Variants in FBLN5 observed in about 807,000 individuals in gnomAD.
FBLN5 encodes the protein fibulin-5.
A neutral mutation model predicts 61.6 loss-of-function variants in FBLN5; 24 were observed. The observed-to-expected ratio is 0.39, with a 90% CI of 0.28 to 0.55. The LOEUF is 0.55. Among genes scored for constraint, FBLN5 ranks in the 20% least tolerant of loss-of-function variants. FBLN5 has a pLI of 0.65. For synonymous variants in FBLN5, 213 were observed against 219.8 expected (o/e 0.97, Z 0.27); for missense variants, 470 against 594.1 (o/e 0.79, Z 2.17).
intron 4 of FBLN5, among the ~76,000 whole-genome samples, chr14:91,906,485 G>A (rs1283375900): frequency 6.6e-6 from 1 of 152,206 alleles, no homozygotes; most frequent in Non-Finnish European, 1.5e-5. Context: ...GTCTAGAAGT[G>A]CGGGTCACAC....
At chr14:91,923,820 G>A (rs1416790997) in intron 4 of FBLN5, among the ~76,000 whole-genome samples, 1 of 152,150 alleles carries the variant, frequency 6.6e-6, no homozygotes, top group Non-Finnish European at 1.5e-5. Flanking sequence ...CCTTGGCAGT[G>A]TCTGACACAG....
intron 5 of FBLN5, among the ~76,000 whole-genome samples, chr14:91,892,838 A>T (rs1890049975): frequency 6.6e-6 from 1 of 152,240 alleles, no homozygotes; most frequent in Admixed American, 6.5e-5. Flanking sequence ...TTTGAAAGGG[A>T]AAGGTGAGTT....
intron 5 of FBLN5, 98 bp downstream of exon 5, chr14:91,894,849 AGCT>A: frequency 1.9e-6 from 2 of 1,027,418 alleles, no homozygotes; most frequent in Non-Finnish European, 2.8e-6. Flanking sequence ...AGCAAAGAAA[AGCT>A]TACTACCCTC....
rs554422450 is a variant in FBLN5, at chr14:91,883,069, G to A, written c.747C>T (p.Asp249=). ...EEDGVHCSDM[D]ECSFSEFLCQ... ...AGAGGAACTCAGAGAAGCTGCACTC[G>A]TCCATATCTGGGGTGACAAGTCACA... Residue 249 remains aspartate (D), a synonymous_variant, in exon 8 of 11, where the codon GAC becomes GAT. Transcript: ENST00000342058. 5.6e-5 allele frequency: 90 copies of A among 1,613,902 alleles called. No homozygotes were observed. Among genetic ancestry groups the A allele is most frequent in the Middle Eastern group, 1.7e-4 (1 of 6,060 alleles).
chr14:91,932,829 C>A (rs1282537400), intron 4 of FBLN5, among the ~76,000 whole-genome samples: 1 of 152,182 alleles, frequency 6.6e-6, no homozygotes, highest in African/African-American at 2.4e-5. Context: ...GCCAGGGAAA[C>A]AGTAAAGACT....
intron 4 of FBLN5, among the ~76,000 whole-genome samples, chr14:91,911,854 A>G (rs1566816300): frequency 6.6e-6 from 1 of 152,138 alleles, no homozygotes; most frequent in Admixed American, 6.5e-5. Flanking sequence ...TCGGCACACA[A>G]AATGAGGGCA....
At chr14:91,906,951 T>A (rs1890709714) in intron 4 of FBLN5, among the ~76,000 whole-genome samples, 2 of 152,134 alleles carry the variant, frequency 1.3e-5, no homozygotes, top group Non-Finnish European at 2.9e-5. Flanking sequence ...GACGAGGTAA[T>A]CCCAACTCAG....
chr14:91,934,327 T>C (rs1360774620), intron 4 of FBLN5, among the ~76,000 whole-genome samples: 1 of 152,230 alleles, frequency 6.6e-6, no homozygotes, highest in African/African-American at 2.4e-5. Flanking sequence ...GTTCAAATCA[T>C]GGCTCGGCCC....
rs527492256 is a variant in FBLN5 at position 91,877,833 on chromosome 14, T to C, written c.990-151A>G. 2.4e-5 allele frequency: 17 copies of C among 701,718 alleles called. No individual in the cohort carries two copies. In the East Asian group the frequency reaches 4.6e-4, roughly 19 times the overall value. The allele number at this position is 701,718 out of a possible 1,614,324, so 43.5% of individuals were successfully genotyped here. On this transcript the variant is annotated intron_variant, in intron 9 of 10. Coordinates refer to ENST00000342058, the MANE Select transcript of FBLN5 (RefSeq NM_006329.4). ...AGAATGTCTCTGCTCCTGGCTTGAG[T>C]CTAAAATCTCTCCAGCATGTAGGCG...
At chr14:91,893,971 G>A (rs1274203130) in intron 5 of FBLN5, among the ~76,000 whole-genome samples, 1 of 152,220 alleles carries the variant, frequency 6.6e-6, no homozygotes, top group Non-Finnish European at 1.5e-5. Context: ...CCTTCTCTTA[G>A]CATTATTTCT....
intron 4 of FBLN5, among the ~76,000 whole-genome samples, chr14:91,899,025 A>G (rs530325919): frequency 9.2e-5 from 14 of 151,938 alleles, no homozygotes; most frequent in Non-Finnish European, 1.9e-4. Flanking sequence ...GATGGTCTCT[A>G]TCTCCTGACC....
chr14:91,925,233 C>A (rs905772558), intron 4 of FBLN5, among the ~76,000 whole-genome samples: 1 of 152,240 alleles, frequency 6.6e-6, no homozygotes, highest in Non-Finnish European at 1.5e-5. Context: ...ACATACCCGC[C>A]GGCCCCAGAG....
rs766099341 is a variant in FBLN5 at position 91,881,329 on chromosome 14, T to C, written c.952A>G (p.Ile318Val). The C allele has an allele frequency of 1.2e-6, 2 of 1,614,038 alleles. No individual in the cohort carries two copies. Among genetic ancestry groups the C allele is most frequent in the African/African-American group, 2.7e-5 (2 of 74,926 alleles). ...LQGGFKCIDP[I>V]RCEEPYLRIS... ...CTCAGATAAGGCTCCTCACAGCGGA[T>C]GGGGTCAATGCATTTGAAGCCCCCT... is the stretch of plus-strand genomic sequence containing the variant. Residue 318 changes from isoleucine (I) to valine (V), a missense_variant, in exon 9 of 11, where the codon ATC (isoleucine) becomes GTC (valine). Ile to Val is a conservative substitution (Grantham distance 29). Transcript: ENST00000342058.
intron 7 of FBLN5, among the ~76,000 whole-genome samples, chr14:91,883,467 G>A (rs1889572211): frequency 1.3e-5 from 2 of 151,768 alleles, no homozygotes; most frequent in African/African-American, 4.8e-5. Context: ...TTTTCTGGGG[G>A]TTTCCCAAAA....
intron 3 of FBLN5, chr14:91,939,886 G>A (rs1201090850): frequency 2.2e-6 from 1 of 445,942 alleles, no homozygotes; most frequent in African/African-American, 2.0e-5. Context: ...TTTCTGGGTG[G>A]GCCCGATATA....
intron 4 of FBLN5, 150 bp from the exon 5 acceptor site, chr14:91,895,222 C>A (rs993998592): frequency 1.2e-6 from 1 of 857,296 alleles, no homozygotes; most frequent in Non-Finnish European, 1.9e-6. Context: ...CCCCGATGGG[C>A]ACCTCTAGGA....
intron 4 of FBLN5, among the ~76,000 whole-genome samples, chr14:91,911,041 C>T (rs112824518): frequency 0.08 from 12,117 of 151,508 alleles, 614 homozygotes; most frequent in Middle Eastern, 0.12. Flanking sequence ...TGGAGTGCAG[C>T]GGCACGATCT....
At chr14:91,925,209 C>G (rs1199183771) in intron 4 of FBLN5, among the ~76,000 whole-genome samples, 1 of 152,224 alleles carries the variant, frequency 6.6e-6, no homozygotes, top group African/African-American at 2.4e-5. Context: ...AAGTATTCTG[C>G]TTCCCCGGCC....
chr14:91,943,228 G>A lies in FBLN5; in HGVS notation c.18-267C>T, dbSNP rs1025441025. ...GGCTGCTTCAAAAAAAAAAGCTAAG[G>A]TCAGGTGCGGTGGCTTACGCTTGTA... is the stretch of plus-strand genomic sequence containing the variant. On this transcript the variant is annotated intron_variant, in intron 1 of 10. Coordinates refer to ENST00000342058, the MANE Select transcript of FBLN5 (RefSeq NM_006329.4). The surrounding 1 kb of genome is among the most constrained non-coding windows in gnomAD (Gnocchi z 4.0). Among the ~76,000 whole-genome samples, 2 of 152,046 alleles carry A rather than the reference G, an allele frequency of 1.3e-5. No homozygotes were observed. The highest frequency in any genetic ancestry group is 4.8e-5 in the African/African-American group (2 of 41,404).
Sources: allele counts gnomAD v4.1 joint callset (sites outside exome capture counted in the v4.1 genomes callset), GRCh38; gene constraint gnomAD v4.1.1; non-coding constraint Gnocchi (gnomAD v3.1); transcripts MANE v1.5; gene names NCBI Gene and HGNC (gene_info 2026-07-23, HGNC 2026-07-21).